ALK: variants seen among roughly 807,000 people sequenced by gnomAD.
ALK encodes ALK receptor tyrosine kinase.
A neutral mutation model predicts 163.1 loss-of-function variants in ALK; 74 were observed. The ratio of observed to expected loss-of-function variants is 0.45; its 90% CI spans 0.38 to 0.55. The LOEUF is 0.55. ALK is among the 20% of genes least tolerant of loss of function. The pLI is 0.00. For missense variants in ALK, 2,063 were observed against 2,105.3 expected (o/e 0.98, Z 0.39); for synonymous variants, 960 against 843.2 (o/e 1.14, Z -2.40).
At chr2:29,845,762 T>C (rs1018851181) in intron 1 of ALK, among the ~76,000 whole-genome samples, 14 of 152,188 alleles carry the variant, frequency 9.2e-5, no homozygotes, top group Admixed American at 3.3e-4. Context: ...GAATAAAATC[T>C]AGTTTACCAT....
rs927209468 is a variant in ALK at position 29,439,865 on chromosome 2, C to A, written c.1155-56006G>T. 2.0e-5 allele frequency among the ~76,000 whole-genome samples: 3 copies of A among 152,154 alleles called. No individual in the cohort carries two copies. In the East Asian group the frequency reaches 5.8e-4, roughly 29 times the overall value. On this transcript the variant is annotated intron_variant, in intron 4 of 28. Transcript: ENST00000389048. ...CAGAGAGAACATGGCCTGGCTGACA[C>A]CTTGATTTTGAATGTCTAGCCTCCA...
At position 29,433,717 on chromosome 2, in the gene ALK, TA is replaced by T. The variant is rs539279751; in HGVS notation, c.1155-49859del. Among the ~76,000 whole-genome samples, 1,353 of 144,148 alleles carry T rather than the reference TA, an allele frequency of 9.4e-3. 9 individuals carry two copies. Among genetic ancestry groups the T allele is most frequent in the African/African-American group, 0.021 (833 of 39,202 alleles). The allele number at this position is 144,148 out of a possible 152,430, so 94.6% of individuals were successfully genotyped here. A position where few individuals can be genotyped will look rare whatever the true frequency, so the allele number is the denominator to read the frequency against. ...GCCTGGGAGTCATAGTTTGTCAACT[TA>T]AAAAAAAAAAAATGAAATGATGAGG... On this transcript the variant is annotated intron_variant, in intron 4 of 28. Coordinates refer to ENST00000389048, the MANE Select transcript of ALK (RefSeq NM_004304.5).
intron 5 of ALK, among the ~76,000 whole-genome samples, chr2:29,359,262 G>T (rs978053334): frequency 6.6e-6 from 1 of 152,170 alleles, no homozygotes; most frequent in Non-Finnish European, 1.5e-5. Context: ...TTTGCATTGC[G>T]GCCAATGCCC....
intron 5 of ALK, among the ~76,000 whole-genome samples, chr2:29,329,868 T>C (rs1209941607): frequency 6.6e-6 from 1 of 152,226 alleles, no homozygotes; most frequent in Non-Finnish European, 1.5e-5. Context: ...ATGATGTCCA[T>C]TTCCTAAGTG....
At position 29,321,814 on chromosome 2, in the gene ALK, T is replaced by C. The variant is rs549165669; in HGVS notation, c.1415-932A>G. Among the ~76,000 whole-genome samples the C allele has an allele frequency of 2.6e-5, 4 of 152,140 alleles. No homozygotes were observed. In the East Asian group the frequency reaches 5.8e-4, roughly 22 times the overall value. ...TGTCCTGATCAAACAATCCCAGTCA[T>C]TGGGGCCTCTTTATATCATCAGTGG... On this transcript the variant is annotated intron_variant, in intron 6 of 28. Transcript: ENST00000389048.
chr2:29,843,577 C>T (rs2148396064), intron 1 of ALK, among the ~76,000 whole-genome samples: 1 of 152,108 alleles, frequency 6.6e-6, no homozygotes, highest in East Asian at 1.9e-4. Flanking sequence ...AGAGTGATGT[C>T]CAAGTTCTGC....
At chr2:29,683,291 C>A (rs557529076) in intron 3 of ALK, among the ~76,000 whole-genome samples, 6 of 152,026 alleles carry the variant, frequency 3.9e-5, no homozygotes, top group Non-Finnish European at 5.9e-5. Context: ...GCAGGAGAAT[C>A]GCTTGAACCC....
At chr2:29,827,003 T>C (rs567141298) in intron 1 of ALK, among the ~76,000 whole-genome samples, 10 of 152,250 alleles carry the variant, frequency 6.6e-5, no homozygotes, top group Non-Finnish European at 8.8e-5. Flanking sequence ...AGGAGATTGA[T>C]TTCCACATAT....
intron 9 of ALK, 78 bp downstream of exon 9, chr2:29,296,810 G>C (rs1007391967): frequency 6.3e-7 from 1 of 1,593,518 alleles, no homozygotes; most frequent in Non-Finnish European, 8.6e-7. Flanking sequence ...AAAAGGCACG[G>C]GGAAAGGGAA....
chr2:29,518,573 G>A (rs978764095), intron 4 of ALK, among the ~76,000 whole-genome samples: 3 of 152,162 alleles, frequency 2.0e-5, no homozygotes, highest in Non-Finnish European at 4.4e-5. Context: ...TAAAGCTAGC[G>A]AAAGGGTGAG....
chr2:29,605,433 T>C (rs1487265315), intron 3 of ALK, among the ~76,000 whole-genome samples: 1 of 152,216 alleles, frequency 6.6e-6, no homozygotes, highest in Non-Finnish European at 1.5e-5. Flanking sequence ...CCCACTGCTA[T>C]AGACTAAATG....
chr2:29,221,962 A>G (rs1669816640), intron 22 of ALK, among the ~76,000 whole-genome samples: 1 of 152,214 alleles, frequency 6.6e-6, no homozygotes, highest in African/African-American at 2.4e-5. Context: ...GTGGCCTCCC[A>G]TCATATTAGA....
chr2:29,324,091 A>G (rs6718971), intron 6 of ALK, among the ~76,000 whole-genome samples: 9,572 of 152,286 alleles, frequency 0.063, 340 homozygotes, highest in Non-Finnish European at 0.077. Context: ...TGTTCTAACC[A>G]ACCCCCTTCT....
rs565475704 is a variant in ALK, at chr2:29,552,255, T to C, written c.953-20139A>G. Among the ~76,000 whole-genome samples, 5 of 152,214 alleles carry C rather than the reference T, an allele frequency of 3.3e-5. No homozygotes were observed. In the South Asian group the frequency reaches 8.3e-4, roughly 25 times the overall value. ...TTTCGTTTATCCATTCATCTGCTGA[T>C]GGACATTTGGGTTATTTCTATCTTT... On this transcript the variant is annotated intron_variant, in intron 3 of 28. Coordinates refer to ENST00000389048, the MANE Select transcript of ALK (RefSeq NM_004304.5).
At chr2:29,381,671 C>T (rs1357021257) in intron 5 of ALK, among the ~76,000 whole-genome samples, 1 of 152,150 alleles carries the variant, frequency 6.6e-6, no homozygotes, top group Non-Finnish European at 1.5e-5. Context: ...TGTTGCCAGC[C>T]CTATTCACCT....
At chr2:29,538,938 A>G (rs1245774229) in intron 3 of ALK, among the ~76,000 whole-genome samples, 1 of 152,060 alleles carries the variant, frequency 6.6e-6, no homozygotes, top group Non-Finnish European at 1.5e-5. Context: ...ACTTTATGTG[A>G]TATATTTATG....
At chr2:29,215,805 C>G (rs1014777185) in intron 23 of ALK, among the ~76,000 whole-genome samples, 1 of 152,218 alleles carries the variant, frequency 6.6e-6, no homozygotes, top group East Asian at 1.9e-4. Flanking sequence ...GACCCGGGCT[C>G]CACCCTGCTG....
intron 4 of ALK, among the ~76,000 whole-genome samples, chr2:29,515,831 A>T (rs1672646043): frequency 6.6e-6 from 1 of 152,236 alleles, no homozygotes; most frequent in Non-Finnish European, 1.5e-5. Flanking sequence ...GTTTAGAAAC[A>T]ATTAAGTATA....
intron 2 of ALK, among the ~76,000 whole-genome samples, chr2:29,715,640 G>T (rs1292911179): frequency 1.3e-5 from 2 of 152,200 alleles, no homozygotes. Flanking sequence ...ACCCCTTGGG[G>T]CATTCTGCAT....
Sources: allele counts gnomAD v4.1 joint callset (sites outside exome capture counted in the v4.1 genomes callset), GRCh38; gene constraint gnomAD v4.1.1; transcripts MANE v1.5; gene names NCBI Gene and HGNC (gene_info 2026-07-23, HGNC 2026-07-21).